The following GET3 variants were observed in gnomAD, a reference collection of about 807,000 sequenced individuals.
GET3 encodes the protein ATPase GET3.
A neutral mutation model predicts 32.4 loss-of-function variants in GET3; 15 were observed. The observed-to-expected ratio is 0.46, with a 90% CI of 0.31 to 0.71. GET3 has a LOEUF of 0.71. GET3 is among the 30% of genes least tolerant of loss of function. The probability of loss-of-function intolerance (pLI) is 0.05; values close to 1 mark genes in which losing one functional copy is unlikely to be tolerated. For synonymous variants in GET3, 198 were observed against 185.6 expected, an observed-to-expected ratio of 1.07 and a Z score of -0.54; for missense variants, 333 against 459.0, an observed-to-expected ratio of 0.73 and a Z score of 2.51.
At position 12,745,973 on chromosome 19, in the gene GET3, C is replaced by CA. The variant is rs1967764358; in HGVS notation, c.609+215dup. On this transcript the variant is annotated intron_variant, in intron 4 of 6. Transcript: ENST00000357332. This position sits in a 1 kb window ranked among gnomAD's most constrained non-coding sequence, Gnocchi z 5.0. ...GCCCCTGCCCGCTAAATACCCTAGA[C>CA]AGAGCCAGAAAGCACATTCCAGAAC... Among the ~76,000 whole-genome samples, 2 of 152,206 alleles carry CA rather than the reference C, an allele frequency of 1.3e-5. No homozygotes were observed. Among genetic ancestry groups the CA allele is most frequent in the South Asian group, 4.1e-4 (2 of 4,830 alleles).
At chr19:12,738,404 C>T (rs1197030431) in intron 1 of GET3, 107 bp from the exon 2 acceptor site, 2 of 1,429,204 alleles carry the variant, frequency 1.4e-6, no homozygotes, top group African/African-American at 2.8e-5. Context: ...CTCAAGGCCC[C>T]TGCTGATTCG....
rs1045136876 is a variant in GET3 at position 12,738,720 on chromosome 19, G to A, written c.309+62G>A. ...AAGCCTCTTCCAGCCTTTCTTGTGC[G>A]CACACACCAGCAGCCACCGTGTCCT... On this transcript the variant is annotated intron_variant, in intron 2 of 6. Coordinates refer to ENST00000357332, the MANE Select transcript of GET3 (RefSeq NM_004317.4). 54 of 1,598,250 alleles carry A rather than the reference G, an allele frequency of 3.4e-5. No individual in the cohort carries two copies. In the Middle Eastern group the frequency reaches 6.9e-4, roughly 21 times the overall value.
At position 12,747,345 on chromosome 19, in the gene GET3, G is replaced by A. The variant is rs780179804; in HGVS notation, c.717+41G>A. ...GCTGGCGGTGAGAGGCCCGGGGGCT[G>A]AGGACAGGGGCAGACCCCGCCCCTC... On this transcript the variant is annotated intron_variant, in intron 5 of 6. Coordinates refer to ENST00000357332, the MANE Select transcript of GET3 (RefSeq NM_004317.4). This position sits in a 1 kb window ranked among gnomAD's most constrained non-coding sequence, Gnocchi z 4.0. 6.2e-7 allele frequency: 1 copy of A among 1,610,976 alleles called. No individual in the cohort carries two copies. Among genetic ancestry groups the A allele is most frequent in the Non-Finnish European group, 8.5e-7 (1 of 1,177,598 alleles).
At position 12,745,929 on chromosome 19, in the gene GET3, G is replaced by A. The variant is rs1483850820; in HGVS notation, c.609+170G>A. On this transcript the variant is annotated intron_variant, in intron 4 of 6. Coordinates refer to ENST00000357332, the MANE Select transcript of GET3 (RefSeq NM_004317.4). This position sits in a 1 kb window ranked among gnomAD's most constrained non-coding sequence, Gnocchi z 5.0. ...ACGGAGCTGTCTTTCCTCCCCCACA[G>A]GCAGGACTCAGTGTCCCTGCCCCTG... 6.6e-6 allele frequency among the ~76,000 whole-genome samples: 1 copy of A among 152,148 alleles called. No homozygotes were observed. The highest frequency in any genetic ancestry group is 1.5e-5 in the Non-Finnish European group (1 of 68,016).
At chr19:12,743,475 G>GA (rs747023355) in intron 2 of GET3, among the ~76,000 whole-genome samples, 100 of 141,100 alleles carry the variant, frequency 7.1e-4, no homozygotes, top group African/African-American at 7.3e-4. Flanking sequence ...CTCCATCTCA[G>GA]AAAAAAAAAA....
chr19:12,738,766 C>T lies in GET3; in HGVS notation c.309+108C>T, dbSNP rs957204812. On this transcript the variant is annotated intron_variant, in intron 2 of 6. Coordinates refer to ENST00000357332, the MANE Select transcript of GET3 (RefSeq NM_004317.4). ...GTCCTATCCACTCTATATCCTGTGTCTCTCGTGTTTCACTCCTTCCTCAAC... is the reference window on the plus strand; with the variant it reads ...GTCCTATCCACTCTATATCCTGTGTTTCTCGTGTTTCACTCCTTCCTCAAC... The T allele has an allele frequency of 3.3e-5, 46 of 1,402,298 alleles. No homozygotes were observed. The Middle Eastern group carries it at 6.7e-4, about 20-fold the overall frequency. The allele number at this position is 1,402,298 out of a possible 1,614,324, so 86.9% of individuals were successfully genotyped here.
chr19:12,738,599 G>C lies in GET3; in HGVS notation c.250G>C (p.Asp84His). Residue 84 changes from aspartate (D) to histidine (H), a missense_variant, in exon 2 of 7, where the codon GAC (aspartate) becomes CAC (histidine). This residue lies in a region of GET3 where 230 missense variants were observed against 389.2 expected (regional missense o/e 0.59). Transcript: ENST00000357332. ...AGCACACAACATCTCAGATGCTTTT[G>C]ACCAGAAGTTCTCAAAGGTGCCTAC... ...DPAHNISDAF[D>H]QKFSKVPTKV... The C allele has an allele frequency of 6.2e-7, 1 of 1,614,154 alleles. No homozygotes were observed. The highest frequency in any genetic ancestry group is 8.5e-7 in the Non-Finnish European group (1 of 1,180,038).
At position 12,747,427 on chromosome 19, in the gene GET3, T is replaced by TGAGTTCCTGTCCCTGTATGAGACA; in HGVS notation, c.754_777dup (p.Phe252_Glu259dup). 1 of 1,613,996 alleles carries TGAGTTCCTGTCCCTGTATGAGACA rather than the reference T, an allele frequency of 6.2e-7. No individual in the cohort carries two copies. Among genetic ancestry groups the TGAGTTCCTGTCCCTGTATGAGACA allele is most frequent in the Non-Finnish European group, 8.5e-7 (1 of 1,179,960 alleles). ...CAACTTTCATCTGCGTATGCATTGC[T>TGAGTTCCTGTCCCTGTATGAGACA]GAGTTCCTGTCCCTGTATGAGACAG... On this transcript the variant is annotated inframe_insertion, in exon 6 of 7. Coordinates refer to ENST00000357332, the MANE Select transcript of GET3 (RefSeq NM_004317.4). This position sits in a 1 kb window ranked among gnomAD's most constrained non-coding sequence, Gnocchi z 4.0.
rs1252195048 is a variant in GET3 at position 12,742,377 on chromosome 19, G to A, written c.310-3000G>A. On this transcript the variant is annotated intron_variant, in intron 2 of 6. Transcript: ENST00000357332. The stretch of plus-strand genomic sequence containing the variant: ...CTCCCAAGTAGCTGTGATTACAGGC[G>A]CCCGCCACCACATCCGGCTAATTTT... Among the ~76,000 whole-genome samples, 7 of 151,610 alleles carry A rather than the reference G, an allele frequency of 4.6e-5. No individual in the cohort carries two copies. In the East Asian group the frequency reaches 5.8e-4, roughly 13 times the overall value.
intron 2 of GET3, among the ~76,000 whole-genome samples, chr19:12,743,206 G>A (rs1967701502): frequency 6.6e-6 from 1 of 152,230 alleles, no homozygotes; most frequent in African/African-American, 2.4e-5. Context: ...GGCCGGGCAT[G>A]GTGGCTCATA....
At chr19:12,742,837 G>A (rs767164825) in intron 2 of GET3, among the ~76,000 whole-genome samples, 12 of 151,998 alleles carry the variant, frequency 7.9e-5, no homozygotes, top group African/African-American at 1.2e-4. Flanking sequence ...GTGAGCTACC[G>A]CGCCCGGCCA....
At chr19:12,746,847 T>A (rs1967781059) in intron 4 of GET3, among the ~76,000 whole-genome samples, 1 of 151,730 alleles carries the variant, frequency 6.6e-6, no homozygotes. Context: ...CCACCAGTAC[T>A]AAAAATACAA....
At position 12,747,481 on chromosome 19, in the gene GET3, C is replaced by T; in HGVS notation, c.804C>T (p.Cys268=). The change falls in exon 6 of 7, where the codon TGC becomes TGT. Residue 268 remains cysteine (C), a synonymous_variant. Transcript: ENST00000357332. This position sits in a 1 kb window ranked among gnomAD's most constrained non-coding sequence, Gnocchi z 4.0. The part of the protein sequence containing the change: ...TERLIQELAK[C]KIDTHNIIVN... ...GGCTGATCCAGGAGCTGGCCAAGTG[C>T]AAGATTGACACACACAATATAATTG... 1.9e-6 allele frequency: 3 copies of T among 1,614,068 alleles called. No homozygotes were observed. Among genetic ancestry groups the T allele is most frequent in the Non-Finnish European group, 2.5e-6 (3 of 1,180,000 alleles).
At chr19:12,739,662 C>T (rs1599447521) in intron 2 of GET3, among the ~76,000 whole-genome samples, 1 of 152,292 alleles carries the variant, frequency 6.6e-6, no homozygotes, top group South Asian at 2.1e-4. Context: ...CAAGTGTAAA[C>T]ATCATGACAG....
intron 2 of GET3, among the ~76,000 whole-genome samples, chr19:12,740,144 A>G (rs1412515665): frequency 2.0e-5 from 3 of 151,862 alleles, no homozygotes; most frequent in African/African-American, 7.3e-5. Flanking sequence ...GCACTGTGGG[A>G]GACCGAGGCG....
intron 2 of GET3, among the ~76,000 whole-genome samples, chr19:12,739,107 A>C (rs901660978): frequency 6.6e-6 from 1 of 151,876 alleles, no homozygotes; most frequent in Non-Finnish European, 1.5e-5. Flanking sequence ...ACCAGTTGAG[A>C]GATGACAACA....
At position 12,745,400 on chromosome 19, in the gene GET3, G is replaced by C; in HGVS notation, c.333G>C (p.Val111=). Residue 111 remains valine, a synonymous_variant, in exon 3 of 7, where the codon GTG becomes GTC. Coordinates refer to ENST00000357332, the MANE Select transcript of GET3 (RefSeq NM_004317.4). The surrounding 1 kb of genome is among the most constrained non-coding windows in gnomAD (Gnocchi z 5.0). The part of the protein sequence containing the change: ...FAMEIDPSLG[V]AELPDEFFEE... ...AGGAGATTGACCCCAGCCTGGGCGTGGCGGAGCTGCCTGACGAGTTCTTCG... is the reference window on the plus strand; with the variant it reads ...AGGAGATTGACCCCAGCCTGGGCGTCGCGGAGCTGCCTGACGAGTTCTTCG... 1.9e-6 allele frequency: 3 copies of C among 1,611,646 alleles called. No individual in the cohort carries two copies. The highest frequency in any genetic ancestry group is 1.7e-6 in the Non-Finnish European group (2 of 1,179,982).
intron 2 of GET3, among the ~76,000 whole-genome samples, chr19:12,740,796 C>G (rs1967654283): frequency 6.6e-6 from 1 of 152,186 alleles, no homozygotes. Context: ...TTGGGCGCTG[C>G]CAGGGTCAGG....
rs1383468468 is a variant in GET3 at position 12,745,838 on chromosome 19, G to T, written c.609+79G>T. 1.3e-6 allele frequency: 2 copies of T among 1,502,384 alleles called. No homozygotes were observed. The highest frequency in any genetic ancestry group is 1.8e-6 in the Non-Finnish European group (2 of 1,124,744). 93.1% of individuals were successfully genotyped at this position (1,502,384 alleles called of 1,614,324 possible). ...GGCCCGGGCCCCCAGACCCTCAAAT[G>T]CGCACTAACAATTCCCTTTCCTTCC... On this transcript the variant is annotated intron_variant, in intron 4 of 6. Coordinates refer to ENST00000357332, the MANE Select transcript of GET3 (RefSeq NM_004317.4). The surrounding 1 kb of genome is among the most constrained non-coding windows in gnomAD (Gnocchi z 5.0).
Sources: gnomAD v4.1 joint callset for allele counts (sites outside exome capture counted in the v4.1 genomes callset) on GRCh38, gnomAD v4.1.1 for gene constraint, gnomAD v4.1.1 regional missense constraint, Gnocchi (gnomAD v3.1) non-coding constraint, MANE v1.5 for transcripts, NCBI Gene and HGNC (gene_info 2026-07-23, HGNC 2026-07-21) for gene names.